The following LPA variants were observed in gnomAD, a reference collection of about 807,000 sequenced individuals.
LPA encodes lipoprotein(a).
A neutral mutation model predicts 197.9 loss-of-function variants in LPA; 199 were observed. That is an observed-to-expected ratio of 1.01 (90% confidence interval 0.90 to 1.13). LPA has a LOEUF of 1.13. Ranked by LOEUF, LPA falls within the 50% of genes most tolerant of loss-of-function variation. LPA has a pLI of 0.00. For synonymous variants in LPA, 715 were observed against 639.5 expected (o/e 1.12, Z -1.78); for missense variants, 1,853 against 1,785.8 (o/e 1.04, Z -0.68).
At chr6:160,647,536 A>T (rs1312771440) in intron 2 of LPA, among the ~76,000 whole-genome samples, 2 of 152,228 alleles carry the variant, frequency 1.3e-5, no homozygotes, top group Non-Finnish European at 2.9e-5. Context: ...ACTAAGAGCC[A>T]GAGCTCTTTA....
intron 29 of LPA, 109 bp from the exon 30 acceptor site, chr6:160,556,293 G>A (rs1778262263): frequency 6.1e-6 from 6 of 982,754 alleles, no homozygotes; most frequent in South Asian, 3.9e-5. Context: ...GTTCTCTTTA[G>A]TATACTCACA....
At position 160,601,072 on chromosome 6, in the gene LPA, TTTCGGCAGTAG is replaced by T; in HGVS notation, c.2961_2971del (p.Asn987LysfsTer51). ...CCAAGGGGCTGCCACAGGATCTGGA[TTTCGGCAGTAG>T]TTCTTGATCAAGCCACTGGAAATTC... On this transcript the variant is annotated frameshift_variant, in exon 19 of 39. Transcript: ENST00000316300. LOFTEE classifies it high-confidence loss of function. 1 of 1,614,052 alleles carries T rather than the reference TTTCGGCAGTAG, an allele frequency of 6.2e-7. No homozygotes were observed. The highest frequency in any genetic ancestry group is 1.7e-4 in the Middle Eastern group (1 of 6,060).
intron 28 of LPA, among the ~76,000 whole-genome samples, chr6:160,573,586 T>C (rs931812530): frequency 3.9e-5 from 6 of 152,302 alleles, no homozygotes; most frequent in Non-Finnish European, 8.8e-5. Flanking sequence ...CTGAAGGCTG[T>C]TGTTCAGATG....
intron 1 of LPA, among the ~76,000 whole-genome samples, chr6:160,663,534 T>C (rs1489105645): frequency 6.6e-6 from 1 of 152,196 alleles, no homozygotes; most frequent in East Asian, 1.9e-4. Context: ...GGTGTGTATG[T>C]GTGTATGTAT....
At chr6:160,608,372 T>G (rs965319275) in intron 16 of LPA, among the ~76,000 whole-genome samples, 1 of 152,176 alleles carries the variant, frequency 6.6e-6, no homozygotes, top group African/African-American at 2.4e-5. Context: ...CATTCTTGGT[T>G]GATCTCTTCT....
chr6:160,596,599 A>G (rs1159217296), intron 20 of LPA, among the ~76,000 whole-genome samples: 1 of 152,134 alleles, frequency 6.6e-6, no homozygotes, highest in African/African-American at 2.4e-5. Flanking sequence ...ACATGATGCC[A>G]TTACATATTA....
Position 160,664,262 on chromosome 6 carries a change from C to G in LPA, c.-48G>C. ...CAGAAAGTGTGTCCCAATCCCAGGA[C>G]ATTGTTGACTTACATGAGAGTAAAC... On this transcript the variant is annotated 5_prime_UTR_variant, in exon 1 of 39. The change abolishes an upstream ATG in the 5' untranslated region. Coordinates refer to ENST00000316300, the MANE Select transcript of LPA (RefSeq NM_005577.4). 5.0e-6 allele frequency: 8 copies of G among 1,592,290 alleles called. No individual in the cohort carries two copies. The highest frequency in any genetic ancestry group is 6.0e-6 in the Non-Finnish European group (7 of 1,168,696).
At chr6:160,597,405 A>C (rs1424174474) in intron 20 of LPA, among the ~76,000 whole-genome samples, 5 of 152,116 alleles carry the variant, frequency 3.3e-5, no homozygotes, top group Non-Finnish European at 7.4e-5. Flanking sequence ...TCAATGAACA[A>C]TTTTTACTTC....
chr6:160,653,382 A>G (rs925788454), intron 1 of LPA, among the ~76,000 whole-genome samples: 2 of 152,138 alleles, frequency 1.3e-5, no homozygotes, highest in Non-Finnish European at 2.9e-5. Flanking sequence ...ACAAGCAGTA[A>G]GGATACAGAA....
At chr6:160,562,450 T>G (rs1331949528) in intron 28 of LPA, among the ~76,000 whole-genome samples, 1 of 152,224 alleles carries the variant, frequency 6.6e-6, no homozygotes, top group Non-Finnish European at 1.5e-5. Context: ...CTTTTTGATG[T>G]GCTGCTGGAT....
rs869225354 is a variant in LPA, at chr6:160,576,690, G to GTGTATA, written c.4631+445_4631+446insTATACA. ...GATGTTTGTGTGTGTGTGTGTGTGT[G>GTGTATA]TATATATATATATATATATATATAT... On this transcript the variant is annotated intron_variant, in intron 28 of 38. Transcript: ENST00000316300. Among the ~76,000 whole-genome samples, 234 of 76,610 alleles carry GTGTATA rather than the reference G, an allele frequency of 3.1e-3. 2 individuals carry two copies. In the South Asian group the frequency reaches 0.04, roughly 13 times the overall value. 50.3% of individuals were successfully genotyped at this position (76,610 alleles called of 152,430 possible).
chr6:160,585,227 A>T lies in LPA; in HGVS notation c.4130-22T>A, dbSNP rs543318614. On this transcript the variant is annotated intron_variant, in intron 25 of 38. Coordinates refer to ENST00000316300, the MANE Select transcript of LPA (RefSeq NM_005577.4). ...GGTGCTGAAATTAAAAGAGAAAATC[A>T]AGCTCAGTATTGCCTAGAAAAGGGA... The T allele has an allele frequency of 4.6e-5, 74 of 1,613,534 alleles. No individual in the cohort carries two copies. In the South Asian group the frequency reaches 7.5e-4, roughly 16 times the overall value.
chr6:160,607,281 G>T (rs1440242057), intron 16 of LPA, among the ~76,000 whole-genome samples: 3 of 152,096 alleles, frequency 2.0e-5, no homozygotes, highest in East Asian at 1.9e-4. Context: ...AAATAGGTTT[G>T]TTTCTGCAAG....
At chr6:160,631,991 A>AGATT (rs1554240940) in intron 8 of LPA, among the ~76,000 whole-genome samples, 1 of 131,276 alleles carries the variant, frequency 7.6e-6, no homozygotes, top group Non-Finnish European at 1.7e-5. Context: ...GTGTGTTTTC[A>AGATT]GTGTGTGTGT....
At chr6:160,662,999 G>T (rs1302585148) in intron 1 of LPA, among the ~76,000 whole-genome samples, 1 of 152,130 alleles carries the variant, frequency 6.6e-6, no homozygotes, top group Non-Finnish European at 1.5e-5. Flanking sequence ...GCTCACAAAG[G>T]CACCAGCAGG....
At position 160,650,389 on chromosome 6, in the gene LPA, G is replaced by A. The variant is rs777971266; in HGVS notation, c.158C>T (p.Ser53Leu). ...ATTATGTTGATGTGGTGTCATAGATGACCAAGCTTGGCAGGTCCTTCCTGT... is the reference window on the plus strand; with the variant it reads ...ATTATGTTGATGTGGTGTCATAGATAACCAAGCTTGGCAGGTCCTTCCTGT... ...TVTGRTCQAW[S>L]SMTPHQHNRT... Residue 53 changes from serine (S) to leucine (L), a missense_variant, in exon 2 of 39, where the codon TCA becomes TTA. Ser to Leu is a moderately radical substitution (Grantham distance 145). Transcript: ENST00000316300. 2 of 1,613,932 alleles carry A rather than the reference G, an allele frequency of 1.2e-6. No homozygotes were observed. Among genetic ancestry groups the A allele is most frequent in the Admixed American group, 1.7e-5 (1 of 60,018 alleles).
chr6:160,598,664 G>T (rs575825828), intron 20 of LPA, among the ~76,000 whole-genome samples: 1 of 152,140 alleles, frequency 6.6e-6, no homozygotes, highest in South Asian at 2.1e-4. Context: ...TCGCCCCTTT[G>T]CTGACTCTCA....
At position 160,578,701 on chromosome 6, in the gene LPA, G is replaced by A. The variant is rs1394307865; in HGVS notation, c.4293C>T (p.Gly1431=). The A allele has an allele frequency of 5.6e-5, 90 of 1,613,632 alleles. No homozygotes were observed. Among genetic ancestry groups the A allele is most frequent in the Non-Finnish European group, 7.2e-5 (85 of 1,179,874 alleles). Residue 1431 remains glycine, a synonymous_variant, in exon 27 of 39, where the codon GGC becomes GGT. Transcript: ENST00000316300. ...GATTCCTGCAGTAGTTCCTGGTCAG[G>A]CCACTGCAAATTTCAAAACAACACA... The part of the protein sequence containing the change: ...RRIPLYYPNA[G]LTRNYCRNPD...
At position 160,620,924 on chromosome 6, in the gene LPA, G is replaced by C. The variant is rs1447084688; in HGVS notation, c.1919+1739C>G. 1.0e-4 allele frequency among the ~76,000 whole-genome samples: 7 copies of C among 67,764 alleles called. No individual in the cohort carries two copies. In the South Asian group the frequency reaches 3.6e-3, roughly 35 times the overall value. The allele number at this position is 67,764 out of a possible 152,430, so 44.5% of individuals were successfully genotyped here. A position where few individuals can be genotyped will look rare whatever the true frequency, so the allele number is the denominator to read the frequency against. ...TCAGTTTGTGTGTGTGTGTGTGTGT[G>C]TGTGTGTAGCTCATTCTGTAGGTTC... is the stretch of plus-strand genomic sequence containing the variant. On this transcript the variant is annotated intron_variant, in intron 12 of 38. Coordinates refer to ENST00000316300, the MANE Select transcript of LPA (RefSeq NM_005577.4).
Sources: allele counts gnomAD v4.1 joint callset (sites outside exome capture counted in the v4.1 genomes callset), GRCh38; gene constraint gnomAD v4.1.1; transcripts MANE v1.5; gene names NCBI Gene and HGNC (gene_info 2026-07-23, HGNC 2026-07-21).